Variants in GPC5 observed in about 807,000 individuals in gnomAD.
GPC5 encodes glypican 5, also known as glypican-5.
GPC5 carries 47 observed loss-of-function variants against 53.9 expected under a neutral mutation model. The ratio of observed to expected loss-of-function variants is 0.87; its 90% confidence interval spans 0.69 to 1.11. The LOEUF is 1.11. GPC5 is among the 50% of genes most tolerant of loss of function. The pLI is 0.00. For missense variants in GPC5, 748 were observed against 713.1 expected, an observed-to-expected ratio of 1.05 and a Z score of -0.56; for synonymous variants, 286 against 263.3, an observed-to-expected ratio of 1.09 and a Z score of -0.84.
chr13:92,117,472 C>T (rs1438761878), intron 6 of GPC5, among the ~76,000 whole-genome samples: 4 of 152,058 alleles, frequency 2.6e-5, no homozygotes, highest in Admixed American at 2.0e-4. Context: ...AATTTTTCTG[C>T]CTTGCCCTAC....
At chr13:91,960,181 A>G (rs2040113992) in intron 6 of GPC5, among the ~76,000 whole-genome samples, 1 of 151,846 alleles carries the variant, frequency 6.6e-6, no homozygotes. Flanking sequence ...AAAAAAAACT[A>G]AAAACTTCAC....
intron 6 of GPC5, among the ~76,000 whole-genome samples, chr13:91,949,360 G>A (rs2040005132): frequency 6.6e-6 from 1 of 152,118 alleles, no homozygotes; most frequent in Admixed American, 6.6e-5. Flanking sequence ...TACCACTACA[G>A]TAAAGATAGT....
At position 91,756,263 on chromosome 13, in the gene GPC5, G is replaced by A. The variant is rs368582580; in HGVS notation, c.1155-32G>A. ...TGATGGCCTTTATTGTGGATGTTTG[G>A]TTTTAATTGTTTTCTTTCTTCTTTC... On this transcript the variant is annotated intron_variant, in intron 4 of 7. Transcript: ENST00000377067. 1.2e-5 allele frequency: 18 copies of A among 1,456,448 alleles called. No individual in the cohort carries two copies. In the African/African-American group the frequency reaches 2.2e-4, roughly 18 times the overall value. 90.2% of individuals were successfully genotyped at this position (1,456,448 alleles called of 1,614,324 possible).
intron 7 of GPC5, among the ~76,000 whole-genome samples, chr13:92,540,782 T>C (rs1881907668): frequency 6.6e-6 from 1 of 151,928 alleles, no homozygotes; most frequent in Non-Finnish European, 1.5e-5. Context: ...ACATGTATAT[T>C]ACACTGTAGA....
chr13:92,667,754 T>C (rs1886623266), intron 7 of GPC5, among the ~76,000 whole-genome samples: 1 of 152,166 alleles, frequency 6.6e-6, no homozygotes, highest in African/African-American at 2.4e-5. Flanking sequence ...TAATAAGACA[T>C]ATTACATTTT....
intron 5 of GPC5, among the ~76,000 whole-genome samples, chr13:91,775,803 G>A (rs2037702547): frequency 6.6e-6 from 1 of 152,132 alleles, no homozygotes; most frequent in African/African-American, 2.4e-5. Context: ...ATTACTCCAT[G>A]AGTGAGTGTC....
intron 2 of GPC5, among the ~76,000 whole-genome samples, chr13:91,531,250 C>T (rs947761492): frequency 6.6e-6 from 1 of 152,146 alleles, no homozygotes; most frequent in African/African-American, 2.4e-5. Context: ...AAATGATTTA[C>T]AGATAGTGGT....
At chr13:92,038,384 G>A (rs12874017) in intron 6 of GPC5, among the ~76,000 whole-genome samples, 23,963 of 73,662 alleles carry the variant, frequency 0.33, 2,338 homozygotes, top group Non-Finnish European at 0.39. Context: ...AGATAGATAG[G>A]TAGATAGATA....
At chr13:91,424,313 G>C (rs1175538058) in intron 1 of GPC5, among the ~76,000 whole-genome samples, 1 of 151,000 alleles carries the variant, frequency 6.6e-6, no homozygotes, top group Non-Finnish European at 1.5e-5. Context: ...TTTTTTTGGT[G>C]GTGGTGGGGC....
At position 92,147,192 on chromosome 13, in the gene GPC5, A is replaced by G. The variant is rs2041873925; in HGVS notation, c.1561+2203A>G. Among the ~76,000 whole-genome samples the G allele has an allele frequency of 2.0e-5, 3 of 151,962 alleles. No homozygotes were observed. The South Asian group carries it at 6.2e-4, about 32-fold the overall frequency. ...AAATGAAAAAGGGTTTTCACTAGAA[A>G]CAATTTTTTTTTTACTAAAAGCTAA... On this transcript the variant is annotated intron_variant, in intron 7 of 7. Transcript: ENST00000377067.
At chr13:92,762,805 C>G in intron 7 of GPC5, among the ~76,000 whole-genome samples, 1 of 151,694 alleles carries the variant, frequency 6.6e-6, no homozygotes, top group African/African-American at 2.4e-5. Flanking sequence ...TTTCAAAAGA[C>G]CTTTTTCAAG....
rs139291788 is a variant in GPC5, at chr13:92,196,451, G to A, written c.1561+51462G>A. ...TGGTTTTTTAAGAGGGAAAAGTCTAGGTTTCATTAGCTTTTTATTGTTCTA... is the reference window on the plus strand; with the variant it reads ...TGGTTTTTTAAGAGGGAAAAGTCTAAGTTTCATTAGCTTTTTATTGTTCTA... On this transcript the variant is annotated intron_variant, in intron 7 of 7. Transcript: ENST00000377067. Among the ~76,000 whole-genome samples, 339 of 152,056 alleles carry A rather than the reference G, an allele frequency of 2.2e-3. 1 individual carries two copies. Among genetic ancestry groups the A allele is most frequent in the African/African-American group, 7.6e-3 (316 of 41,500 alleles).
chr13:91,599,780 A>G (rs1199726308), intron 2 of GPC5, among the ~76,000 whole-genome samples: 3 of 152,206 alleles, frequency 2.0e-5, no homozygotes, highest in African/African-American at 4.8e-5. Context: ...TGGATAAGCT[A>G]TATTTAAATA....
chr13:92,031,229 G>A (rs945548563), intron 6 of GPC5, among the ~76,000 whole-genome samples: 23 of 151,946 alleles, frequency 1.5e-4, no homozygotes, highest in Admixed American at 1.2e-3. Context: ...TTTTAGCTGC[G>A]TGTTCTCTCC....
At chr13:91,781,335 G>C (rs145619841) in intron 5 of GPC5, among the ~76,000 whole-genome samples, 28 of 152,288 alleles carry the variant, frequency 1.8e-4, no homozygotes, top group African/African-American at 6.3e-4. Context: ...CTATACTTAC[G>C]ATAGTGCGTA....
chr13:92,008,411 C>A (rs1010051439), intron 6 of GPC5, among the ~76,000 whole-genome samples: 2 of 151,864 alleles, frequency 1.3e-5, no homozygotes, highest in African/African-American at 2.4e-5. Context: ...ATTTTTCATT[C>A]CTTTGTGAAA....
chr13:92,051,295 G>A (rs1286502238), intron 6 of GPC5, among the ~76,000 whole-genome samples: 1 of 149,650 alleles, frequency 6.7e-6, no homozygotes, highest in Non-Finnish European at 1.5e-5. Context: ...TCTGCCTCCC[G>A]GGTTCAAGTG....
intron 2 of GPC5, among the ~76,000 whole-genome samples, chr13:91,634,325 A>G (rs567383320): frequency 9.2e-5 from 14 of 152,226 alleles, no homozygotes; most frequent in East Asian, 5.8e-4. Context: ...GAAGTTGTCT[A>G]TTCCTACCTA....
intron 6 of GPC5, among the ~76,000 whole-genome samples, chr13:91,926,703 T>C (rs1345552796): frequency 6.6e-6 from 1 of 152,240 alleles, no homozygotes; most frequent in Non-Finnish European, 1.5e-5. Flanking sequence ...TGGGGAATTA[T>C]ATCTGTCCCT....
Sources: allele counts gnomAD v4.1 joint callset (sites outside exome capture counted in the v4.1 genomes callset), GRCh38; gene constraint gnomAD v4.1.1; transcripts MANE v1.5; gene names NCBI Gene and HGNC (gene_info 2026-07-23, HGNC 2026-07-21).